The following EDNRB variants were observed in gnomAD, a reference collection of about 807,000 sequenced individuals.
The protein encoded by EDNRB is endothelin receptor type B.
In EDNRB, 18 loss-of-function variants were observed where a neutral mutation model predicts 46.4. The observed-to-expected ratio is 0.39, with a 90% confidence interval of 0.27 to 0.57. EDNRB has a LOEUF of 0.57. Among genes scored for constraint, EDNRB ranks in the 20% least tolerant of loss-of-function variants. The pLI is 0.61. For missense variants in EDNRB, 434 were observed against 537.5 expected (o/e 0.81, Z 1.90); for synonymous variants, 213 against 204.9 (o/e 1.04, Z -0.34).
At chr13:77,922,262 A>G (rs1445999182), upstream of EDNRB, among the ~76,000 whole-genome samples, 11 of 152,274 alleles carry the variant, frequency 7.2e-5, no homozygotes, top group East Asian at 1.9e-4. Context: ...GAAGATAGAC[A>G]ATGTCCCAGT....
chr13:77,901,381 T>A (rs918385864), intron 3 of EDNRB, among the ~76,000 whole-genome samples, 174 bp from the exon 4 acceptor site: 1 of 152,016 alleles, frequency 6.6e-6, no homozygotes, highest in African/African-American at 2.4e-5. Context: ...TAAATAGTCA[T>A]GTTAAATAAA....
chr13:77,900,789 A>G (rs1878928577), intron 4 of EDNRB, 135 bp from the exon 5 acceptor site: 3 of 1,329,060 alleles, frequency 2.3e-6, no homozygotes, highest in Admixed American at 4.0e-5. Flanking sequence ...TGAGCTTTAT[A>G]TGGAATAGTT....
At chr13:77,911,253 A>G (rs1474192832) in intron 1 of EDNRB, among the ~76,000 whole-genome samples, 2 of 152,068 alleles carry the variant, frequency 1.3e-5, no homozygotes, top group African/African-American at 4.8e-5. Flanking sequence ...CTCCTGGCTC[A>G]GAACGAGACT....
chr13:77,911,033 G>T (rs1449115767), intron 1 of EDNRB, among the ~76,000 whole-genome samples: 3 of 151,896 alleles, frequency 2.0e-5, no homozygotes, highest in Non-Finnish European at 4.4e-5. Context: ...GAAATTGATT[G>T]TACTCTTTTA....
At chr13:77,931,049 T>C (rs928440707) in intron 1 of EDNRB, among the ~76,000 whole-genome samples, 7 of 152,184 alleles carry the variant, frequency 4.6e-5, no homozygotes, top group African/African-American at 1.7e-4. Flanking sequence ...GATGCTGTTT[T>C]TGAAAAGCGG....
intron 1 of EDNRB, among the ~76,000 whole-genome samples, chr13:77,933,766 G>A (rs946433521): frequency 3.9e-5 from 6 of 152,190 alleles, no homozygotes; most frequent in African/African-American, 1.4e-4. Context: ...GGGATTAGGG[G>A]TAGCGTGGGA....
chr13:77,928,481 G>T (rs1434483314), intron 1 of EDNRB, among the ~76,000 whole-genome samples: 6 of 152,190 alleles, frequency 3.9e-5, no homozygotes, highest in Admixed American at 3.3e-4. Context: ...ATTAGCTAAA[G>T]AATATGATAT....
intron 1 of EDNRB, among the ~76,000 whole-genome samples, chr13:77,911,033 G>A (rs1449115767): frequency 6.6e-6 from 1 of 151,896 alleles, no homozygotes; most frequent in Non-Finnish European, 1.5e-5. Context: ...GAAATTGATT[G>A]TACTCTTTTA....
chr13:77,921,966 T>A (rs1423983061), upstream of EDNRB, among the ~76,000 whole-genome samples: 2 of 152,190 alleles, frequency 1.3e-5, no homozygotes, highest in African/African-American at 4.8e-5. Context: ...TTTTTTCATC[T>A]TATTACTTAA....
At chr13:77,942,121 C>A (rs1324144232) in intron 1 of EDNRB, among the ~76,000 whole-genome samples, 1 of 152,146 alleles carries the variant, frequency 6.6e-6, no homozygotes, top group Non-Finnish European at 1.5e-5. Context: ...AATCTTTGTG[C>A]CTTCCCTCTG....
In EDNRB at chr13:77,911,908, A is replaced by C. The variant is rs530316925; in HGVS notation, c.483+6183T>G. Among the ~76,000 whole-genome samples the C allele has an allele frequency of 2.0e-5, 3 of 152,278 alleles. No individual in the cohort carries two copies. The East Asian group carries it at 5.8e-4, about 29-fold the overall frequency. On this transcript the variant is annotated intron_variant, in intron 1 of 6. Coordinates refer to ENST00000646607, the MANE Select transcript of EDNRB (RefSeq NM_001122659.3). ...GCAAAGTCCTGAAAGAGAATGTTTC[A>C]CATCATAAATTACATCTTGAATCTT...
chr13:77,909,114 A>C (rs1879440168), intron 1 of EDNRB, among the ~76,000 whole-genome samples: 1 of 152,046 alleles, frequency 6.6e-6, no homozygotes, highest in African/African-American at 2.4e-5. Context: ...AACACAAATA[A>C]ATAAACACTA....
Position 77,903,536 on chromosome 13 carries a change from C to G in EDNRB, c.555G>C (p.Val185=). The G allele has an allele frequency of 6.2e-7, 1 of 1,612,930 alleles. No homozygotes were observed. Among genetic ancestry groups the G allele is most frequent in the Non-Finnish European group, 8.5e-7 (1 of 1,179,326 alleles). ...CACATAGACTCAGCACAGTGATTCC[C>G]ACAGAGGCTTTCTGTATGAAAGGCA... ...KLVPFIQKAS[V]GITVLSLCAL... is the part of the protein sequence containing the mutation. The change falls in exon 2 of 7, where the codon GTG becomes GTC. Residue 185 remains valine, a synonymous_variant. Coordinates refer to ENST00000646607, the MANE Select transcript of EDNRB (RefSeq NM_001122659.3).
At chr13:77,932,882 A>G (rs1880444703) in intron 1 of EDNRB, among the ~76,000 whole-genome samples, 1 of 152,222 alleles carries the variant, frequency 6.6e-6, no homozygotes, top group South Asian at 2.1e-4. Flanking sequence ...AAACAAATGA[A>G]TAAATCAGGA....
Position 77,903,185 on chromosome 13 carries a change from G to C in EDNRB, c.772C>G (p.His258Asp), listed in dbSNP as rs368940609. The C allele has an allele frequency of 5.6e-6, 9 of 1,612,838 alleles. No individual in the cohort carries two copies. In the Admixed American group the frequency reaches 1.3e-4, roughly 24 times the overall value. The stretch of plus-strand genomic sequence containing the variant: ...ATGAAAGCTGTCTTCTGAACGGGAT[G>C]AAGCAAGCAGATTCGCAGATAACTT... ...KGSYLRICLL[H>D]PVQKTAFMQF... The change falls in exon 3 of 7, where the codon CAT (histidine) becomes GAT (aspartate). Residue 258 changes from histidine to aspartate, a missense_variant. Transcript: ENST00000646607.
intron 1 of EDNRB, among the ~76,000 whole-genome samples, chr13:77,971,606 C>G (rs1881734486): frequency 6.9e-6 from 1 of 145,774 alleles, no homozygotes; most frequent in Non-Finnish European, 1.5e-5. Flanking sequence ...TTTTTTAACT[C>G]ATGGAAAGCT....
chr13:77,898,125 T>C lies in EDNRB; in HGVS notation c.*75A>G, dbSNP rs954735724. On this transcript the variant is annotated 3_prime_UTR_variant, in exon 7 of 7. Transcript: ENST00000646607. ...AAATACATAGTTTTTTGTTTTGTTT[T>C]GGCAAATGTTTCATTTTGTTTTAAT... The C allele has an allele frequency of 3.5e-5, 55 of 1,572,052 alleles. No individual in the cohort carries two copies. Among genetic ancestry groups the C allele is most frequent in the Non-Finnish European group, 4.7e-5 (55 of 1,158,486 alleles).
chr13:77,919,726 G>T, upstream of EDNRB: 2 of 1,057,414 alleles, frequency 1.9e-6, no homozygotes, highest in Non-Finnish European at 1.4e-6. Context: ...GCCCGAGGGA[G>T]GGGGGCAGTC....
At chr13:77,964,584 C>A (rs543720326) in intron 1 of EDNRB, among the ~76,000 whole-genome samples, 1 of 152,218 alleles carries the variant, frequency 6.6e-6, no homozygotes, top group South Asian at 2.1e-4. Flanking sequence ...ATAATGAGAA[C>A]ACTCGGACAC....
Sources: allele counts gnomAD v4.1 joint callset (sites outside exome capture counted in the v4.1 genomes callset), GRCh38; gene constraint gnomAD v4.1.1; transcripts MANE v1.5; gene names NCBI Gene and HGNC (gene_info 2026-07-23, HGNC 2026-07-21).